The following SND1 variants were observed in gnomAD, a reference collection of about 807,000 sequenced individuals.
The protein encoded by SND1 is staphylococcal nuclease domain-containing protein 1.
A neutral mutation model predicts 121.7 loss-of-function variants in SND1; 38 were observed. The ratio of observed to expected loss-of-function variants is 0.31; its 90% confidence interval spans 0.24 to 0.41. The LOEUF is 0.41. SND1 is among the 10% of genes least tolerant of loss of function. SND1 has a pLI of 1.00. For synonymous variants in SND1, 401 were observed against 447.4 expected, an observed-to-expected ratio of 0.90 and a Z score of 1.31; for missense variants, 868 against 1,184.6, an observed-to-expected ratio of 0.73 and a Z score of 3.92.
intron 13 of SND1, among the ~76,000 whole-genome samples, chr7:127,889,336 A>G (rs1056625011): frequency 6.6e-6 from 1 of 151,404 alleles, no homozygotes; most frequent in Admixed American, 6.6e-5. Context: ...ATTTCTCATG[A>G]TCTTGGTTCT....
chr7:128,023,307 C>A (rs928004435), intron 16 of SND1, among the ~76,000 whole-genome samples: 1 of 152,180 alleles, frequency 6.6e-6, no homozygotes, highest in African/African-American at 2.4e-5. Flanking sequence ...ACTCCCCACT[C>A]CCAGTCCTGG....
chr7:127,793,748 G>C (rs879604950), intron 10 of SND1, among the ~76,000 whole-genome samples: 1 of 152,168 alleles, frequency 6.6e-6, no homozygotes, highest in Non-Finnish European at 1.5e-5. Flanking sequence ...AGATGAAACA[G>C]CTGTGAACAG....
At chr7:128,008,814 A>G (rs529449427) in intron 16 of SND1, among the ~76,000 whole-genome samples, 11 of 152,204 alleles carry the variant, frequency 7.2e-5, no homozygotes, top group Non-Finnish European at 1.5e-4. Context: ...GGGTTGTCCA[A>G]GTGGGGGAGG....
chr7:128,021,797 G>C (rs1476552383), intron 16 of SND1, among the ~76,000 whole-genome samples: 1 of 152,206 alleles, frequency 6.6e-6, no homozygotes, highest in Non-Finnish European at 1.5e-5. Context: ...GCCTCATGCA[G>C]GATTTCCTAG....
chr7:127,694,751 G>T, intron 2 of SND1, 77 bp from the exon 3 acceptor site: 2 of 1,551,840 alleles, frequency 1.3e-6, no homozygotes, highest in Non-Finnish European at 1.8e-6. Context: ...ATTTACTGAA[G>T]GTATGAAGTT....
chr7:127,968,230 G>A (rs1021011753), intron 15 of SND1, among the ~76,000 whole-genome samples: 1 of 152,164 alleles, frequency 6.6e-6, no homozygotes, highest in Non-Finnish European at 1.5e-5. Flanking sequence ...CTTCCATTGA[G>A]ACAAGTTCTT....
chr7:127,936,562 CT>C (rs1358294257), intron 15 of SND1, among the ~76,000 whole-genome samples: 3 of 151,668 alleles, frequency 2.0e-5, no homozygotes, highest in African/African-American at 7.3e-5. Flanking sequence ...TGTTTCTTTT[CT>C]TGGAGACAGG....
chr7:127,910,831 A>G (rs567524390), intron 14 of SND1, among the ~76,000 whole-genome samples: 16 of 152,272 alleles, frequency 1.1e-4, no homozygotes, highest in African/African-American at 3.6e-4. Flanking sequence ...ATCAAGGCCT[A>G]TGGTTCTGCC....
intron 16 of SND1, among the ~76,000 whole-genome samples, chr7:128,049,922 T>C (rs961865851): frequency 2.0e-5 from 3 of 152,174 alleles, no homozygotes; most frequent in East Asian, 1.9e-4. Context: ...TTGGCTGGAA[T>C]TGGGGAGGCT....
chr7:127,851,976 G>A (rs763329909), intron 12 of SND1, among the ~76,000 whole-genome samples: 2 of 151,908 alleles, frequency 1.3e-5, no homozygotes, highest in Non-Finnish European at 2.9e-5. Flanking sequence ...GGGCAACATG[G>A]CGAAACCCCT....
chr7:127,858,184 C>A, intron 12 of SND1: 1 of 797,274 alleles, frequency 1.3e-6, no homozygotes, highest in East Asian at 2.4e-5. Context: ...ACCCCAAACC[C>A]TTCAGCCGCA....
At chr7:127,938,459 C>T (rs149951043) in intron 15 of SND1, among the ~76,000 whole-genome samples, 241 of 152,212 alleles carry the variant, frequency 1.6e-3, no homozygotes, top group Admixed American at 3.5e-3. Flanking sequence ...AAGCATAGGC[C>T]ACCTAGTATG....
At chr7:127,745,158 G>A (rs900111993) in intron 10 of SND1, among the ~76,000 whole-genome samples, 2 of 152,136 alleles carry the variant, frequency 1.3e-5, no homozygotes, top group South Asian at 2.1e-4. Flanking sequence ...TGATTTTGAC[G>A]CACAAGTGTC....
In SND1 at chr7:127,836,908, A is replaced by G. The variant is rs560738602; in HGVS notation, c.1243-7416A>G. 7.2e-5 allele frequency among the ~76,000 whole-genome samples: 11 copies of G among 152,298 alleles called. No individual in the cohort carries two copies. In the South Asian group the frequency reaches 2.3e-3, roughly 32 times the overall value. On this transcript the variant is annotated intron_variant, in intron 11 of 23. Transcript: ENST00000354725. Reference sequence around the variant, plus strand: ...TTCACCAAACTACTGAATAGAATATATTTTACATATATAGTACAGACTAAG... The same window carrying G: ...TTCACCAAACTACTGAATAGAATATGTTTTACATATATAGTACAGACTAAG...
chr7:127,684,816 C>T (rs1207018248), intron 1 of SND1, among the ~76,000 whole-genome samples: 1 of 152,126 alleles, frequency 6.6e-6, no homozygotes, highest in Non-Finnish European at 1.5e-5. Context: ...ATTAAAGTGA[C>T]TTAGGCCAGG....
At chr7:127,674,867 G>C (rs1403469113) in intron 1 of SND1, among the ~76,000 whole-genome samples, 1 of 152,044 alleles carries the variant, frequency 6.6e-6, no homozygotes. Context: ...TTTTAAAAAT[G>C]ATCTCCAGTT....
intron 10 of SND1, among the ~76,000 whole-genome samples, chr7:127,773,858 C>T (rs1286704541): frequency 6.6e-6 from 1 of 152,126 alleles, no homozygotes; most frequent in Non-Finnish European, 1.5e-5. Context: ...GATGGTGGTT[C>T]CATAAGATTA....
chr7:127,742,175 T>G (rs1483446947), intron 10 of SND1, among the ~76,000 whole-genome samples: 1 of 152,216 alleles, frequency 6.6e-6, no homozygotes, highest in Non-Finnish European at 1.5e-5. Flanking sequence ...TGTGAAAGTC[T>G]GCATGAACAC....
chr7:127,924,266 G>A (rs1293947334), intron 14 of SND1, among the ~76,000 whole-genome samples: 1 of 152,104 alleles, frequency 6.6e-6, no homozygotes, highest in Non-Finnish European at 1.5e-5. Context: ...AATAAGTTCT[G>A]CATGTATTTG....
Sources: gnomAD v4.1 joint callset for allele counts (sites outside exome capture counted in the v4.1 genomes callset) on GRCh38, gnomAD v4.1.1 for gene constraint, MANE v1.5 for transcripts, NCBI Gene and HGNC (gene_info 2026-07-23, HGNC 2026-07-21) for gene names.